Variants in SGTB observed in about 807,000 individuals in gnomAD.
The protein encoded by SGTB is small glutamine rich tetratricopeptide repeat co-chaperone beta.
SGTB carries 19 observed loss-of-function variants against 43.9 expected under a neutral mutation model. The ratio of observed to expected loss-of-function variants is 0.43; its 90% confidence interval spans 0.30 to 0.63. The LOEUF (loss-of-function observed/expected upper bound fraction) is 0.63, where lower values mean the gene tolerates loss of function less well. Ranked by LOEUF, SGTB falls within the 30% of genes least tolerant of loss-of-function variation. The pLI, the probability that SGTB is intolerant of heterozygous loss-of-function variation, is 0.12. For missense variants in SGTB, 304 were observed against 358.9 expected (o/e 0.85, Z 1.24); for synonymous variants, 116 against 117.3 (o/e 0.99, Z 0.07).
chr5:65,697,909 A>G lies in SGTB; in HGVS notation c.374+6370T>C, dbSNP rs528907425. On this transcript the variant is annotated intron_variant, in intron 5 of 10. Transcript: ENST00000381007. ...AAAAAAGAATGAACTAATACATGCC[A>G]CAACATGGTTGAATCTCAAAACCGT... Among the ~76,000 whole-genome samples the G allele has an allele frequency of 1.8e-4, 28 of 152,360 alleles. 1 individual carries two copies. Among genetic ancestry groups the G allele is most frequent in the African/African-American group, 5.5e-4 (23 of 41,588 alleles).
intron 1 of SGTB, among the ~76,000 whole-genome samples, chr5:65,721,209 A>G (rs1005603491): frequency 3.3e-5 from 5 of 152,256 alleles, no homozygotes; most frequent in African/African-American, 9.6e-5. Flanking sequence ...GATGTATACC[A>G]AGCATCTTCC....
chr5:65,692,325 T>A (rs1472389254), intron 5 of SGTB, among the ~76,000 whole-genome samples: 1 of 152,208 alleles, frequency 6.6e-6, no homozygotes, highest in Non-Finnish European at 1.5e-5. Flanking sequence ...TTTATTCACA[T>A]CACCAAACCC....
chr5:65,698,801 C>T (rs1757758262), intron 5 of SGTB, among the ~76,000 whole-genome samples: 1 of 152,098 alleles, frequency 6.6e-6, no homozygotes, highest in African/African-American at 2.4e-5. Context: ...CACTAATTTT[C>T]AGGGAAATGC....
intron 1 of SGTB, among the ~76,000 whole-genome samples, chr5:65,721,489 G>C (rs1758278219): frequency 6.6e-6 from 1 of 152,126 alleles, no homozygotes; most frequent in African/African-American, 2.4e-5. Flanking sequence ...CATTCACATG[G>C]AATACTATCG....
chr5:65,667,489 A>G lies in SGTB; in HGVS notation c.*2757T>C, dbSNP rs558281501. 1 of 152,218 alleles carries G rather than the reference A, an allele frequency of 6.6e-6. No individual in the cohort carries two copies. Among genetic ancestry groups the G allele is most frequent in the African/African-American group, 2.4e-5 (1 of 41,460 alleles). 9.4% of individuals were successfully genotyped at this position (152,218 alleles called of 1,614,324 possible). The stretch of plus-strand genomic sequence containing the variant: ...GTAGTAGTACTTCGTTCTGTGTAAT[A>G]CTGGAATACTAGGAGTTCATTCTAA... On this transcript the variant is annotated 3_prime_UTR_variant, in exon 11 of 11. Transcript: ENST00000381007.
intron 5 of SGTB, among the ~76,000 whole-genome samples, chr5:65,693,414 G>A (rs74728383): frequency 7.5e-6 from 1 of 133,736 alleles, no homozygotes; most frequent in African/African-American, 2.8e-5. Context: ...AAGGAAGGAA[G>A]GAGAGAGAGA....
In SGTB at chr5:65,687,830, G is replaced by A. The variant is rs915352925; in HGVS notation, c.375-2358C>T. 8.5e-5 allele frequency among the ~76,000 whole-genome samples: 13 copies of A among 152,232 alleles called. No homozygotes were observed. In the South Asian group the frequency reaches 1.0e-3, roughly 12 times the overall value. On this transcript the variant is annotated intron_variant, in intron 5 of 10. Coordinates refer to ENST00000381007, the MANE Select transcript of SGTB (RefSeq NM_019072.3). ...GTCGCCCAGGCTGGACTGCAGTGGC[G>A]CGATCTCGGCTCACTGCAACCTCCG... is the stretch of plus-strand genomic sequence containing the variant.
At chr5:65,714,322 C>A (rs1324118779) in intron 2 of SGTB, among the ~76,000 whole-genome samples, 1 of 151,260 alleles carries the variant, frequency 6.6e-6, no homozygotes, top group African/African-American at 2.5e-5. Context: ...CAGTAATAAA[C>A]CTAACAGAAA....
intron 4 of SGTB, among the ~76,000 whole-genome samples, 198 bp from the exon 5 acceptor site, chr5:65,704,576 A>T (rs1757893849): frequency 1.3e-5 from 2 of 152,222 alleles, no homozygotes; most frequent in South Asian, 4.1e-4. Flanking sequence ...TCATTTTAAC[A>T]ATGCAAAGTC....
chr5:65,722,625 G>T (rs879855914), upstream of SGTB: 1 of 533,396 alleles, frequency 1.9e-6, no homozygotes, highest in Non-Finnish European at 3.3e-6. Flanking sequence ...TCGGGAGGAC[G>T]TCCATTCCTC....
chr5:65,711,541 C>A (rs1034076360), intron 3 of SGTB, among the ~76,000 whole-genome samples: 36 of 152,124 alleles, frequency 2.4e-4, no homozygotes, highest in African/African-American at 8.7e-4. Context: ...GGGCCACAGG[C>A]CCAGACAATG....
chr5:65,708,468 ATTTTTGTATGAAATATTCACCTTCATCT>A lies in SGTB; in HGVS notation c.267_274+20del. 1 of 1,607,160 alleles carries A rather than the reference ATTTTTGTATGAAATATTCACCTTCATCT, an allele frequency of 6.2e-7. No individual in the cohort carries two copies. The highest frequency in any genetic ancestry group is 8.5e-7 in the Non-Finnish European group (1 of 1,176,416). ...TTCAGAAAGCTTTACTAAGTAAGTC[ATTTTTGTATGAAATATTCACCTTCATCT>A]TTTAATTGGTCAGCTTTTCCCACAT... On this transcript the variant is annotated splice_donor_variant and splice_donor_5th_base_variant and coding_sequence_variant and intron_variant, in exon 4 of 11. Transcript: ENST00000381007. LOFTEE classifies it high-confidence loss of function.
rs1196068083 is a variant in SGTB, at chr5:65,672,190, GC to G, written c.719+53del. 1.1e-5 allele frequency: 18 copies of G among 1,608,644 alleles called. No individual in the cohort carries two copies. The African/African-American group carries it at 2.3e-4, about 20-fold the overall frequency. ...TTGAGCTGATGTGCTCAAATTAGGAGCCTGGCAAGTGGAAGGGTTGGGGAAG... is the reference window on the plus strand; with the variant it reads ...TTGAGCTGATGTGCTCAAATTAGGAGCTGGCAAGTGGAAGGGTTGGGGAAG... On this transcript the variant is annotated intron_variant, in intron 9 of 10. Coordinates refer to ENST00000381007, the MANE Select transcript of SGTB (RefSeq NM_019072.3).
upstream of SGTB, chr5:65,722,448 G>A (rs372124520): frequency 3.3e-5 from 51 of 1,556,724 alleles, no homozygotes; most frequent in Non-Finnish European, 4.3e-5. Context: ...CTTGGCCGTG[G>A]GCAGGGCGGG....
In SGTB at chr5:65,685,478, A is replaced by G; in HGVS notation, c.375-6T>C. 2 of 1,613,146 alleles carry G rather than the reference A, an allele frequency of 1.2e-6. No individual in the cohort carries two copies. The highest frequency in any genetic ancestry group is 1.7e-6 in the Non-Finnish European group (2 of 1,179,638). ...ATTTGCTCTGAGCAGCAGCCCTAAG[A>G]GAAAGAAAACAGAATTTTATTAAAG... On this transcript the variant is annotated splice_region_variant and splice_polypyrimidine_tract_variant and intron_variant, in intron 5 of 10. Coordinates refer to ENST00000381007, the MANE Select transcript of SGTB (RefSeq NM_019072.3).
intron 5 of SGTB, among the ~76,000 whole-genome samples, chr5:65,702,389 T>C (rs367949167): frequency 1.9e-4 from 29 of 152,306 alleles, no homozygotes; most frequent in East Asian, 7.7e-4. Flanking sequence ...AAGAAATACC[T>C]AGACTTCTCT....
intron 5 of SGTB, among the ~76,000 whole-genome samples, chr5:65,689,139 AT>A (rs1757554789): frequency 6.6e-6 from 1 of 152,190 alleles, no homozygotes; most frequent in Non-Finnish European, 1.5e-5. Flanking sequence ...TTTAGTTAAA[AT>A]TTATCTTTAA....
intron 4 of SGTB, among the ~76,000 whole-genome samples, chr5:65,707,740 A>G (rs1016468368): frequency 1.3e-5 from 2 of 152,016 alleles, no homozygotes; most frequent in Admixed American, 6.6e-5. Context: ...GCCATGATAT[A>G]TATTTTTTTA....
chr5:65,706,856 TA>T (rs1757942623), intron 4 of SGTB, among the ~76,000 whole-genome samples: 1 of 151,590 alleles, frequency 6.6e-6, no homozygotes, highest in South Asian at 2.1e-4. Flanking sequence ...GTAGCAAAAA[TA>T]AATATTGACA....
Sources: allele counts gnomAD v4.1 joint callset (sites outside exome capture counted in the v4.1 genomes callset), GRCh38; gene constraint gnomAD v4.1.1; transcripts MANE v1.5; gene names NCBI Gene and HGNC (gene_info 2026-07-23, HGNC 2026-07-21).